POLRMT: variants seen among roughly 807,000 people sequenced by gnomAD.
POLRMT encodes the protein DNA-directed RNA polymerase, mitochondrial.
In POLRMT, 114 loss-of-function variants were observed where a neutral mutation model predicts 132.2. The observed-to-expected ratio is 0.86, with a 90% CI of 0.74 to 1.01. The LOEUF is 1.01. Ranked by LOEUF, POLRMT falls within the 50% of genes least tolerant of loss-of-function variation. The pLI is 0.00. For missense variants in POLRMT, 2,003 were observed against 1,729.1 expected (o/e 1.16, Z -2.81); for synonymous variants, 1,020 against 773.4 (o/e 1.32, Z -5.29).
Position 621,443 on chromosome 19 carries a change from G to A in POLRMT, c.2255C>T (p.Pro752Leu), listed in dbSNP as rs775130592. The A allele has an allele frequency of 3.1e-5, 43 of 1,407,490 alleles. No individual in the cohort carries two copies. The African/African-American group carries it at 5.6e-4, about 18-fold the overall frequency. The allele number at this position is 1,407,490 out of a possible 1,614,324, so 87.2% of individuals were successfully genotyped here. Reference sequence around the variant, plus strand: ...ACGGCGCAGCTCGGCCTTGCGGGCGGGCGCGGCGCTGTGCGGCAGGTGGGC... The same window carrying A: ...ACGGCGCAGCTCGGCCTTGCGGGCGAGCGCGGCGCTGTGCGGCAGGTGGGC... The part of the protein sequence containing the change: ...PEAHLPHSAA[P>L]ARKAELRREL... The change falls in exon 10 of 21, where the codon CCC becomes CTC. Residue 752 changes from proline to leucine, a missense_variant. Transcript: ENST00000588649.
At position 621,228 on chromosome 19, in the gene POLRMT, G is replaced by C. The variant is rs779826236; in HGVS notation, c.2470C>G (p.Leu824Val). 5.0e-6 allele frequency: 8 copies of C among 1,609,364 alleles called. No homozygotes were observed. Among genetic ancestry groups the C allele is most frequent in the Non-Finnish European group, 6.8e-6 (8 of 1,178,116 alleles). ...GGGCGGCCCTGGGCGAACTCCAGCA[G>C]GGCCCGCGCCACGTCGCTGCCCAGG... ...NHLGSDVARA[L>V]LEFAQGRPLG... is the part of the protein sequence containing the mutation. The change falls in exon 10 of 21, where the codon CTG becomes GTG. Residue 824 changes from leucine to valine, a missense_variant. Leu to Val is a conservative substitution (Grantham distance 32). Transcript: ENST00000588649.
intron 3 of POLRMT, among the ~76,000 whole-genome samples, chr19:628,820 C>A (rs1457310471): frequency 6.6e-6 from 1 of 151,976 alleles, no homozygotes; most frequent in South Asian, 2.1e-4. Flanking sequence ...TTGGCCAACA[C>A]GGTGAAACCC....
chr19:621,934 C>T, intron 9 of POLRMT, 88 bp from the exon 10 acceptor site: 2 of 1,451,054 alleles, frequency 1.4e-6, no homozygotes, highest in South Asian at 2.6e-5. Flanking sequence ...GGGGCCGGCT[C>T]CCCGGCCAAC....
intron 15 of POLRMT, 95 bp downstream of exon 15, chr19:618,902 A>G: frequency 7.4e-7 from 1 of 1,353,138 alleles, no homozygotes. Flanking sequence ...GGGCGGTGGT[A>G]CACTGGGGTG....
At chr19:620,700 C>T (rs1984461077) in intron 10 of POLRMT, among the ~76,000 whole-genome samples, 1 of 143,226 alleles carries the variant, frequency 7.0e-6, no homozygotes, top group Non-Finnish European at 1.5e-5. Context: ...CGGGCTGAAA[C>T]AAGCGTGTCC....
chr19:633,534 CCCCACCGGCCCGCGCCTGCGCATGCG>C (rs767774520), exon 1 of POLRMT: 2 of 1,423,692 alleles, frequency 1.4e-6, no homozygotes, highest in Admixed American at 2.4e-5. Context: ...CTCCAGGCCA[CCCCACCGGCCCGCGCCTGCGCATGCG>C]CCCGCGCCGC....
At chr19:620,130 T>A (rs901309571) in intron 11 of POLRMT, 50 bp from the exon 12 acceptor site, 5 of 1,529,578 alleles carry the variant, frequency 3.3e-6, no homozygotes, top group Non-Finnish European at 4.4e-6. Flanking sequence ...GGCAGAGACG[T>A]GTGGGACCCC....
intron 3 of POLRMT, among the ~76,000 whole-genome samples, chr19:626,896 C>CAT (rs1241035009): frequency 7.1e-6 from 1 of 141,838 alleles, no homozygotes; most frequent in African/African-American, 2.7e-5. Flanking sequence ...TACACACACA[C>CAT]ACATATATAT....
intron 10 of POLRMT, 73 bp from the exon 11 acceptor site, chr19:620,560 G>C (rs1984445882): frequency 1.4e-6 from 2 of 1,449,244 alleles, no homozygotes; most frequent in Non-Finnish European, 9.1e-7. Context: ...CTGTGTTGCG[G>C]GGAGGTGGGA....
intron 2 of POLRMT, 75 bp downstream of exon 2, chr19:632,759 C>T (rs979500655): frequency 1.5e-6 from 2 of 1,309,616 alleles, no homozygotes; most frequent in African/African-American, 1.5e-5. Flanking sequence ...GTCTCAGAAT[C>T]TGAGCCTTTG....
In POLRMT at chr19:627,226, A is replaced by C. The variant is rs190048124; in HGVS notation, c.823-1972T>G. Among the ~76,000 whole-genome samples the C allele has an allele frequency of 3.9e-3, 560 of 142,018 alleles. 18 individuals are homozygous for C. Among genetic ancestry groups the C allele is most frequent in the Admixed American group, 0.037 (471 of 12,730 alleles). 93.2% of individuals were successfully genotyped at this position (142,018 alleles called of 152,430 possible). Reference sequence around the variant, plus strand: ...GAGTGCAGTGGCTCGATCTCGGCTCACTGCAAGCTCTGCCTCCCAGGTTCA... The same window carrying C: ...GAGTGCAGTGGCTCGATCTCGGCTCCCTGCAAGCTCTGCCTCCCAGGTTCA... On this transcript the variant is annotated intron_variant, in intron 3 of 20. Transcript: ENST00000588649.
rs1045096942 is a variant in POLRMT at position 628,885 on chromosome 19, C to G, written c.822+655G>C. Among the ~76,000 whole-genome samples, 4 of 152,158 alleles carry G rather than the reference C, an allele frequency of 2.6e-5. No individual in the cohort carries two copies. The South Asian group carries it at 8.3e-4, about 32-fold the overall frequency. On this transcript the variant is annotated intron_variant, in intron 3 of 20. Transcript: ENST00000588649. ...CGGGGGTGGTGGCGGGCACCTGTAA[C>G]TCCAGCTACTTAGGAGGCTGAGGCA...
Position 617,255 on chromosome 19 carries a change from T to TGACA in POLRMT, c.*15_*18dup, listed in dbSNP as rs1568372056. ...TGGCAAAAGAGCTTTATTTACACAC[T>TGACA]GACAAGGCTCACGGGGTGTCAGCTG... is the stretch of plus-strand genomic sequence containing the variant. On this transcript the variant is annotated 3_prime_UTR_variant, in exon 21 of 21. Coordinates refer to ENST00000588649, the MANE Select transcript of POLRMT (RefSeq NM_005035.4). 9.3e-6 allele frequency: 15 copies of TGACA among 1,612,364 alleles called. No individual in the cohort carries two copies. The South Asian group carries it at 9.9e-5, about 11-fold the overall frequency.
rs1309159241 is a variant in POLRMT, at chr19:620,400, G to A, written c.2728C>T (p.Pro910Ser). 6.3e-6 allele frequency: 10 copies of A among 1,585,242 alleles called. No homozygotes were observed. The highest frequency in any genetic ancestry group is 1.3e-5 in the African/African-American group (1 of 74,384). Residue 910 changes from proline to serine, a missense_variant, in exon 11 of 21, where the codon CCT (proline) becomes TCT (serine). By Grantham distance (74) the Pro-to-Ser change is moderately conservative. Coordinates refer to ENST00000588649, the MANE Select transcript of POLRMT (RefSeq NM_005035.4). The part of the protein sequence containing the change: ...EVANAVRASD[P>S]AAYVSHLPVH... ...GGGAGGTGGGAGACATAGGCGGCAG[G>A]GTCGGAGGCGCGCACAGCGTTCGCC...
At chr19:625,044 C>T in intron 4 of POLRMT, 80 bp downstream of exon 4, 1 of 1,535,404 alleles carries the variant, frequency 6.5e-7, no homozygotes, top group Non-Finnish European at 8.8e-7. Context: ...GTCCCCAGCC[C>T]CCAGCCCAGG....
chr19:619,432 G>A (rs910289120), intron 13 of POLRMT, 136 bp from the exon 14 acceptor site: 25 of 1,350,978 alleles, frequency 1.9e-5, no homozygotes, highest in Admixed American at 2.0e-5. Flanking sequence ...TGGCGCCCAC[G>A]CAGTCAGCAA....
intron 6 of POLRMT, 67 bp from the exon 7 acceptor site, chr19:623,052 G>C: frequency 1.9e-6 from 3 of 1,550,954 alleles, no homozygotes; most frequent in African/African-American, 1.4e-5. Flanking sequence ...ACAGGACGGG[G>C]GTCACCGCAG....
intron 3 of POLRMT, among the ~76,000 whole-genome samples, chr19:628,567 C>G (rs1453925108): frequency 6.6e-6 from 1 of 152,146 alleles, no homozygotes; most frequent in African/African-American, 2.4e-5. Flanking sequence ...AATAGTATCC[C>G]ATGTTTACCC....
At chr19:624,303 G>A (rs1465802456) in intron 5 of POLRMT, among the ~76,000 whole-genome samples, 2 of 152,220 alleles carry the variant, frequency 1.3e-5, no homozygotes, top group African/African-American at 4.8e-5. Context: ...TGACGGGGAT[G>A]GGGACGAGGC....
Sources: allele counts gnomAD v4.1 joint callset (sites outside exome capture counted in the v4.1 genomes callset), GRCh38; gene constraint gnomAD v4.1.1; transcripts MANE v1.5; gene names NCBI Gene and HGNC (gene_info 2026-07-23, HGNC 2026-07-21).